The following PI15 variants were observed in gnomAD, a reference collection of about 807,000 sequenced individuals.
PI15 encodes 25 kDa trypsin inhibitor.
Under a neutral mutation model 31.0 loss-of-function variants are expected in PI15, and 18 were observed. The ratio of observed to expected loss-of-function variants is 0.58; its 90% CI spans 0.40 to 0.86. PI15 has a LOEUF of 0.86. Ranked by LOEUF, PI15 falls within the 40% of genes least tolerant of loss-of-function variation. The pLI, the probability that PI15 is intolerant of heterozygous loss-of-function variation, is 0.00. For synonymous variants in PI15, 118 were observed against 119.1 expected (o/e 0.99, Z 0.06); for missense variants, 282 against 328.1 (o/e 0.86, Z 1.09).
intron 2 of PI15, among the ~76,000 whole-genome samples, chr8:74,832,172 T>A (rs1810792071): frequency 6.6e-6 from 1 of 152,136 alleles, no homozygotes; most frequent in Admixed American, 6.5e-5. Context: ...GTTTACATGA[T>A]GAAGTAGAAT....
In PI15 at chr8:74,845,257, G is replaced by A. The variant is rs766248061; in HGVS notation, c.522G>A (p.Thr174=). ...RCFGPMCTHY[T]QMVWATSNRI... is the part of the protein sequence containing the mutation. ...TTGGTCCCATGTGCACACATTATACGCAGGTTATTTCAATTACCTTGTTAA... is the reference window on the plus strand; with the variant it reads ...TTGGTCCCATGTGCACACATTATACACAGGTTATTTCAATTACCTTGTTAA... Residue 174 remains threonine (T), a synonymous_variant, in exon 4 of 6, where the codon ACG becomes ACA. Transcript: ENST00000260113. 3.7e-5 allele frequency: 60 copies of A among 1,612,812 alleles called. No individual in the cohort carries two copies. Among genetic ancestry groups the A allele is most frequent in the East Asian group, 1.3e-4 (6 of 44,878 alleles).
chr8:74,832,053 T>C (rs1810789631), intron 2 of PI15, among the ~76,000 whole-genome samples: 1 of 152,138 alleles, frequency 6.6e-6, no homozygotes, highest in Non-Finnish European at 1.5e-5. Flanking sequence ...GTCAAGAGGC[T>C]GTTAGGATAG....
chr8:74,833,781 G>A (rs956054742), intron 2 of PI15, among the ~76,000 whole-genome samples: 1 of 152,170 alleles, frequency 6.6e-6, no homozygotes, highest in Admixed American at 6.5e-5. Context: ...AGGTCATAGA[G>A]CAAGTAAATA....
intron 1 of PI15, 112 bp from the exon 2 acceptor site, chr8:74,825,098 A>T: frequency 1.4e-6 from 1 of 709,350 alleles, no homozygotes; most frequent in Non-Finnish European, 2.4e-6. Context: ...ATTTGTTTGG[A>T]TTTTTGAAGA....
chr8:74,839,224 C>T (rs1418099241), intron 2 of PI15, among the ~76,000 whole-genome samples: 3 of 152,144 alleles, frequency 2.0e-5, no homozygotes, highest in East Asian at 3.9e-4. Context: ...TCTTGTGCTT[C>T]GCAGGCAAGG....
At chr8:74,835,144 G>A (rs1463206395) in intron 2 of PI15, among the ~76,000 whole-genome samples, 1 of 152,028 alleles carries the variant, frequency 6.6e-6, no homozygotes, top group African/African-American at 2.4e-5. Flanking sequence ...CCAAAATTGA[G>A]CTCCAGATAT....
rs994029190 is a variant in PI15 at position 74,850,843 on chromosome 8, T to C, written c.*1590T>C. 6.6e-6 allele frequency: 1 copy of C among 152,140 alleles called. No individual in the cohort carries two copies. Among genetic ancestry groups the C allele is most frequent in the Admixed American group, 6.5e-5 (1 of 15,282 alleles). 9.4% of individuals were successfully genotyped at this position (152,140 alleles called of 1,614,324 possible). On this transcript the variant is annotated 3_prime_UTR_variant, in exon 6 of 6. Transcript: ENST00000260113. ...TAACATACTGCATTTCAAGTACATG[T>C]GTGTGTGTTTTATTCAGGTTGTGTA...
chr8:74,838,492 T>A (rs113942105), intron 2 of PI15, among the ~76,000 whole-genome samples: 107 of 152,202 alleles, frequency 7.0e-4, no homozygotes, highest in African/African-American at 2.5e-3. Context: ...ATGCGAGGTT[T>A]GGGGTATAAT....
rs1586960287 is a variant in PI15, at chr8:74,849,443, A to G, written c.*190A>G. On this transcript the variant is annotated 3_prime_UTR_variant, in exon 6 of 6. Coordinates refer to ENST00000260113, the MANE Select transcript of PI15 (RefSeq NM_015886.5). ...ATCCTTTGAAATATTTGAAACATCA[A>G]TTTCTATTTTCTGACCTCTAAGCCT... 1 of 466,386 alleles carries G rather than the reference A, an allele frequency of 2.1e-6. No individual in the cohort carries two copies. The highest frequency in any genetic ancestry group is 4.0e-5 in the South Asian group (1 of 25,168). The allele number at this position is 466,386 out of a possible 1,614,324, so 28.9% of individuals were successfully genotyped here.
chr8:74,828,505 A>T (rs2128763425), intron 2 of PI15, among the ~76,000 whole-genome samples: 1 of 152,254 alleles, frequency 6.6e-6, no homozygotes, highest in African/African-American at 2.4e-5. Context: ...CAGGGACTAT[A>T]AGTGACTTGA....
intron 1 of PI15, 168 bp from the exon 2 acceptor site, chr8:74,825,042 T>C (rs889016787): frequency 1.6e-6 from 1 of 627,668 alleles, no homozygotes; most frequent in Admixed American, 2.5e-5. Context: ...CACTAAAAAA[T>C]GAATAGAGAT....
At chr8:74,825,646 T>C (rs895535586) in intron 2 of PI15, 124 bp downstream of exon 2, 5 of 737,190 alleles carry the variant, frequency 6.8e-6, no homozygotes, top group Non-Finnish European at 1.1e-5. Flanking sequence ...TTACATATTT[T>C]AACCTAAGGT....
Position 74,849,339 on chromosome 8 carries a change from T to C in PI15, c.*86T>C, listed in dbSNP as rs955315919. 2 of 1,008,854 alleles carry C rather than the reference T, an allele frequency of 2.0e-6. No individual in the cohort carries two copies. The highest frequency in any genetic ancestry group is 1.7e-5 in the African/African-American group (1 of 60,062). The allele number at this position is 1,008,854 out of a possible 1,614,324, so 62.5% of individuals were successfully genotyped here. A position where few individuals can be genotyped will look rare whatever the true frequency, so the allele number is the denominator to read the frequency against. On this transcript the variant is annotated 3_prime_UTR_variant, in exon 6 of 6. Transcript: ENST00000260113. ...TATGGAGAGAGAATTTTGCACATAT[T>C]ATACATATTTTGTGCTAATCTTGTT...
At chr8:74,833,547 T>A (rs1191157286) in intron 2 of PI15, among the ~76,000 whole-genome samples, 1 of 152,072 alleles carries the variant, frequency 6.6e-6, no homozygotes. Flanking sequence ...TGATCAAAAG[T>A]GCACCTCACT....
chr8:74,844,227 C>T (rs1810987904), intron 3 of PI15, 128 bp downstream of exon 3: 3 of 687,318 alleles, frequency 4.4e-6, no homozygotes, highest in Admixed American at 4.4e-5. Flanking sequence ...GTGTCAGGTA[C>T]TAACGCTTGG....
intron 5 of PI15, among the ~76,000 whole-genome samples, chr8:74,848,104 A>G (rs1025039645): frequency 3.9e-5 from 6 of 152,232 alleles, no homozygotes; most frequent in Non-Finnish European, 1.5e-5. Context: ...TATTATGATA[A>G]TGGCCATCAA....
intron 1 of PI15, 25 bp from the exon 2 acceptor site, chr8:74,825,176 TCATAGACCC>T: frequency 7.6e-7 from 1 of 1,323,864 alleles, no homozygotes; most frequent in Non-Finnish European, 1.1e-6. Context: ...CTATTTTTTT[TCATAGACCC>T]TAACTCTACC....
chr8:74,831,211 C>T (rs1810777178), intron 2 of PI15, among the ~76,000 whole-genome samples: 1 of 152,142 alleles, frequency 6.6e-6, no homozygotes, highest in African/African-American at 2.4e-5. Flanking sequence ...TGATTTGAAA[C>T]CTCAGCATCA....
Position 74,826,118 on chromosome 8 carries a change from A to T in PI15, c.273+596A>T, listed in dbSNP as rs570088370. ...ATAACAGTGAAGCCAGTGCATTTGC[A>T]CACTGTTCCAACTTGCCGTGAACAC... On this transcript the variant is annotated intron_variant, in intron 2 of 5. Coordinates refer to ENST00000260113, the MANE Select transcript of PI15 (RefSeq NM_015886.5). Among the ~76,000 whole-genome samples, 3 of 152,222 alleles carry T rather than the reference A, an allele frequency of 2.0e-5. No individual in the cohort carries two copies. In the East Asian group the frequency reaches 5.8e-4, roughly 29 times the overall value.
Sources: gnomAD v4.1 joint callset for allele counts (sites outside exome capture counted in the v4.1 genomes callset) on GRCh38, gnomAD v4.1.1 for gene constraint, MANE v1.5 for transcripts, NCBI Gene and HGNC (gene_info 2026-07-23, HGNC 2026-07-21) for gene names.